Variants in NAV3 observed in about 807,000 individuals in gnomAD.
NAV3 encodes pore membrane and/or filament interacting like protein 1.
NAV3 carries 87 observed loss-of-function variants against 244.7 expected under a neutral mutation model. The observed-to-expected ratio is 0.36, with a 90% confidence interval of 0.30 to 0.42. NAV3 has a LOEUF of 0.42. Among genes scored for constraint, NAV3 ranks in the 20% least tolerant of loss-of-function variants. The pLI, the probability that NAV3 is intolerant of heterozygous loss-of-function variation, is 1.00. For synonymous variants in NAV3, 1,126 were observed against 1,042.2 expected (o/e 1.08, Z -1.55); for missense variants, 2,663 against 2,893.3 (o/e 0.92, Z 1.83).
intron 3 of NAV3, among the ~76,000 whole-genome samples, chr12:77,960,173 G>T (rs915364251): frequency 2.0e-5 from 3 of 151,908 alleles, no homozygotes; most frequent in African/African-American, 7.2e-5. Context: ...GGCTTAGGAT[G>T]CCATAGAAGT....
At chr12:77,748,318 A>G (rs538499556) in intron 2 of NAV3, among the ~76,000 whole-genome samples, 10 of 152,342 alleles carry the variant, frequency 6.6e-5, no homozygotes, top group African/African-American at 2.2e-4. Flanking sequence ...TGCATGTTCC[A>G]TCTGTGGTTT....
intron 22 of NAV3, among the ~76,000 whole-genome samples, chr12:78,158,900 T>A (rs577500057): frequency 1.3e-5 from 2 of 152,202 alleles, no homozygotes; most frequent in Non-Finnish European, 2.9e-5. Context: ...ATTTTGAGTG[T>A]CAAATCTCTA....
At chr12:78,140,774 G>A (rs1466356411) in intron 20 of NAV3, among the ~76,000 whole-genome samples, 1 of 151,586 alleles carries the variant, frequency 6.6e-6, no homozygotes, top group Non-Finnish European at 1.5e-5. Flanking sequence ...GATTATCGAA[G>A]GGTAAAAGCA....
intron 2 of NAV3, among the ~76,000 whole-genome samples, chr12:77,808,090 G>T (rs1299241600): frequency 3.3e-5 from 5 of 152,018 alleles, no homozygotes; most frequent in African/African-American, 9.7e-5. Context: ...CTTTTTGCAA[G>T]GTTCTTAGCT....
chr12:78,177,005 G>T, intron 26 of NAV3, 136 bp from the exon 27 acceptor site: 1 of 760,082 alleles, frequency 1.3e-6, no homozygotes, highest in Non-Finnish European at 2.2e-6. Flanking sequence ...GAGATACTGT[G>T]CTGCAATTGT....
At position 78,070,178 on chromosome 12, in the gene NAV3, A is replaced by T. The variant is rs377558594; in HGVS notation, c.2636+11063A>T. 1.3e-4 allele frequency among the ~76,000 whole-genome samples: 20 copies of T among 152,234 alleles called. No individual in the cohort carries two copies. The East Asian group carries it at 2.7e-3, about 21-fold the overall frequency. On this transcript the variant is annotated intron_variant, in intron 12 of 39. Coordinates refer to ENST00000397909, the MANE Select transcript of NAV3 (RefSeq NM_001024383.2). ...ATATTTGCTAGGTAAAAATAAAATTATTTATAATAATAGTTCCCTTCTTGA... is the reference window on the plus strand; with the variant it reads ...ATATTTGCTAGGTAAAAATAAAATTTTTTATAATAATAGTTCCCTTCTTGA...
intron 2 of NAV3, among the ~76,000 whole-genome samples, chr12:77,792,329 G>A (rs1180647743): frequency 6.6e-6 from 1 of 152,182 alleles, no homozygotes; most frequent in Non-Finnish European, 1.5e-5. Context: ...TGTCAGGTTG[G>A]TGGAGAATTA....
intron 2 of NAV3, among the ~76,000 whole-genome samples, chr12:77,804,330 T>C (rs1441446646): frequency 3.3e-5 from 5 of 152,126 alleles, no homozygotes; most frequent in Admixed American, 2.6e-4. Flanking sequence ...TTGTATAAGG[T>C]GTAAGTTTAT....
rs748020281 is a variant in NAV3 at position 78,122,149 on chromosome 12, C to T, written c.3959C>T (p.Thr1320Ile). The change falls in exon 16 of 40, where the codon ACA becomes ATA. Residue 1320 changes from threonine (T) to isoleucine (I), a missense_variant. Thr to Ile is a moderately conservative substitution (Grantham distance 89). Around this residue, in one of 6 missense-constraint regions of NAV3, gnomAD observed 354 missense variants for 413.0 expected, o/e 0.86. Transcript: ENST00000397909. ...PLFNKPSDLT[T>I]DVISLSHSLA... ...TTCAATAAACCCTCAGACTTAACTACAGATGTTATAAGCTTAAGTCACTCG... is the reference window on the plus strand; with the variant it reads ...TTCAATAAACCCTCAGACTTAACTATAGATGTTATAAGCTTAAGTCACTCG... The T allele has an allele frequency of 1.2e-6, 2 of 1,614,162 alleles. No homozygotes were observed. Among genetic ancestry groups the T allele is most frequent in the Admixed American group, 3.3e-5 (2 of 60,028 alleles).
chr12:77,759,448 T>C (rs1296851765), intron 2 of NAV3, among the ~76,000 whole-genome samples: 2 of 152,200 alleles, frequency 1.3e-5, no homozygotes, highest in African/African-American at 4.8e-5. Flanking sequence ...GTAGGGCTAG[T>C]AGGCCTGAGA....
intron 7 of NAV3, 101 bp downstream of exon 7, chr12:77,998,577 G>C: frequency 7.9e-7 from 1 of 1,273,352 alleles, no homozygotes; most frequent in Non-Finnish European, 1.1e-6. Context: ...TGGGCCTAGA[G>C]ATGTTATCAG....
At chr12:77,844,455 G>T (rs905187309) in intron 1 of NAV3, among the ~76,000 whole-genome samples, 2 of 152,154 alleles carry the variant, frequency 1.3e-5, no homozygotes, top group Non-Finnish European at 2.9e-5. Context: ...CCATAGCAAT[G>T]CCCAAAGCAT....
At chr12:78,174,124 T>C (rs776858124) in intron 24 of NAV3, among the ~76,000 whole-genome samples, 18 of 151,746 alleles carry the variant, frequency 1.2e-4, no homozygotes, top group Non-Finnish European at 8.8e-5. Context: ...TGCCAATAAG[T>C]ATATTAACGG....
At position 77,578,768 on chromosome 12, in the gene NAV3, C is replaced by A. The variant is rs1010066639; in HGVS notation, c.72+6502C>A. On this transcript the variant is annotated intron_variant, in intron 2 of 8. Transcript: ENST00000550042. ...AATAAACAGGCAATTTATGGGTGACCCACACAAAGAACAGCTGCTGCCATC... is the reference window on the plus strand; with the variant it reads ...AATAAACAGGCAATTTATGGGTGACACACACAAAGAACAGCTGCTGCCATC... Among the ~76,000 whole-genome samples, 21 of 151,898 alleles carry A rather than the reference C, an allele frequency of 1.4e-4. 1 individual carries two copies. The highest frequency in any genetic ancestry group is 1.0e-3 in the Admixed American group (16 of 15,258).
intron 2 of NAV3, among the ~76,000 whole-genome samples, chr12:77,795,818 A>T (rs1204792961): frequency 1.3e-5 from 2 of 152,170 alleles, no homozygotes; most frequent in African/African-American, 4.8e-5. Context: ...GTGCTCTATA[A>T]ATAGAACAAC....
At chr12:77,897,271 C>T (rs1018154594) in intron 1 of NAV3, among the ~76,000 whole-genome samples, 2 of 152,186 alleles carry the variant, frequency 1.3e-5, no homozygotes, top group African/African-American at 4.8e-5. Context: ...TTTTGGAAAT[C>T]AGCAAATCTT....
intron 12 of NAV3, among the ~76,000 whole-genome samples, chr12:78,068,421 A>G (rs1363849976): frequency 6.6e-6 from 1 of 150,892 alleles, no homozygotes; most frequent in Non-Finnish European, 1.5e-5. Context: ...TTTAAAATTC[A>G]GCTTCAAAAA....
intron 2 of NAV3, among the ~76,000 whole-genome samples, chr12:77,706,732 G>C (rs778738493): frequency 2.7e-5 from 4 of 150,218 alleles, no homozygotes; most frequent in Non-Finnish European, 4.4e-5. Context: ...TTAGCAGGGC[G>C]TGGTGGCGGG....
intron 2 of NAV3, among the ~76,000 whole-genome samples, chr12:77,644,176 C>G (rs1315497591): frequency 1.3e-5 from 2 of 152,042 alleles, no homozygotes; most frequent in African/African-American, 4.8e-5. Flanking sequence ...ATTCTTGGGG[C>G]TCCATGAGGT....
Sources: allele counts gnomAD v4.1 joint callset (sites outside exome capture counted in the v4.1 genomes callset), GRCh38; gene constraint gnomAD v4.1.1; regional missense constraint gnomAD v4.1.1; transcripts MANE v1.5; gene names NCBI Gene and HGNC (gene_info 2026-07-23, HGNC 2026-07-21).